Variants in TNRC18 observed in about 807,000 individuals in gnomAD.
The protein encoded by TNRC18 is trinucleotide repeat-containing gene 18 protein.
Under a neutral mutation model 226.7 loss-of-function variants are expected in TNRC18, and 69 were observed. The ratio of observed to expected loss-of-function variants is 0.30; its 90% confidence interval spans 0.25 to 0.37. TNRC18 has a LOEUF of 0.37. Among genes scored for constraint, TNRC18 ranks in the 10% least tolerant of loss-of-function variants. TNRC18 has a pLI of 1.00. For missense variants in TNRC18, 4,754 were observed against 4,256.6 expected (o/e 1.12, Z -3.25); for synonymous variants, 2,449 against 1,927.6 (o/e 1.27, Z -7.09).
intron 2 of TNRC18, among the ~76,000 whole-genome samples, chr7:5,416,471 C>T (rs1194722406): frequency 6.6e-6 from 1 of 152,046 alleles, no homozygotes; most frequent in African/African-American, 2.4e-5. Context: ...CTGTAGTCCT[C>T]GCTACTCGGG....
chr7:5,375,177 C>T (rs780554864), intron 9 of TNRC18, among the ~76,000 whole-genome samples: 3 of 152,274 alleles, frequency 2.0e-5, no homozygotes, highest in South Asian at 2.1e-4. Context: ...TGCATGACAG[C>T]ATGTGCCTGT....
At chr7:5,387,579 A>C in intron 5 of TNRC18, 93 bp downstream of exon 5, 1 of 1,500,634 alleles carries the variant, frequency 6.7e-7, no homozygotes, top group Non-Finnish European at 9.0e-7. Context: ...AAGACTTAGC[A>C]ATAGCAAAGG....
chr7:5,332,250 A>G (rs748605994), intron 19 of TNRC18, among the ~76,000 whole-genome samples: 9 of 152,162 alleles, frequency 5.9e-5, no homozygotes, highest in Non-Finnish European at 1.2e-4. Flanking sequence ...CAGCCTGGGC[A>G]ACATAGCGAG....
intron 24 of TNRC18, among the ~76,000 whole-genome samples, chr7:5,319,210 C>A (rs556711944): frequency 6.6e-6 from 1 of 152,168 alleles, no homozygotes; most frequent in Non-Finnish European, 1.5e-5. Flanking sequence ...CTAAGTCTTC[C>A]TGGCCTGAGA....
At chr7:5,372,763 C>G (rs927553492) in intron 10 of TNRC18, among the ~76,000 whole-genome samples, 3 of 152,108 alleles carry the variant, frequency 2.0e-5, no homozygotes, top group African/African-American at 7.2e-5. Context: ...GGTCTCAAGC[C>G]TACAATCCCA....
chr7:5,410,089 T>A (rs1781744628), intron 2 of TNRC18, among the ~76,000 whole-genome samples: 1 of 150,572 alleles, frequency 6.6e-6, no homozygotes, highest in African/African-American at 2.4e-5. Context: ...AGCGGGCAGA[T>A]CACTTGAGGC....
rs1375131699 is a variant in TNRC18, at chr7:5,361,594, T to C, written c.4661A>G (p.Lys1554Arg). ...KRGKSGHSSG[K>R]LSSKSLLTSD... ...CGACCCACCGAGGGGCCAGCCTTAC[T>C]TTCCGCTACTGTGGCCGCTCTTCCC... is the stretch of plus-strand genomic sequence containing the variant. The change falls in exon 14 of 30, where the codon AAG becomes AGG. Residue 1554 changes from lysine (K) to arginine (R), a missense_variant and splice_region_variant. Coordinates refer to ENST00000430969, the MANE Select transcript of TNRC18 (RefSeq NM_001080495.3). 2 of 1,519,260 alleles carry C rather than the reference T, an allele frequency of 1.3e-6. No individual in the cohort carries two copies. The highest frequency in any genetic ancestry group is 8.8e-7 in the Non-Finnish European group (1 of 1,132,924). The allele number at this position is 1,519,260 out of a possible 1,614,324, so 94.1% of individuals were successfully genotyped here. A position where few individuals can be genotyped will look rare whatever the true frequency, so the allele number is the denominator to read the frequency against.
intron 19 of TNRC18, among the ~76,000 whole-genome samples, chr7:5,331,812 A>C (rs1292685436): frequency 6.6e-6 from 1 of 152,180 alleles, no homozygotes; most frequent in Non-Finnish European, 1.5e-5. Flanking sequence ...CAGGAGGCTG[A>C]GGTGGGAGGG....
In TNRC18 at chr7:5,333,057, C is replaced by T. The variant is rs1427009315; in HGVS notation, c.5720-8G>A. On this transcript the variant is annotated splice_polypyrimidine_tract_variant and splice_region_variant and intron_variant, in intron 18 of 29. Coordinates refer to ENST00000430969, the MANE Select transcript of TNRC18 (RefSeq NM_001080495.3). ...TGTACTCGAACTCTGTGCCTGAACG[C>T]GGGAGGAGGGCGTGCTGGTCACAGC... is the stretch of plus-strand genomic sequence containing the variant. 15 of 1,567,634 alleles carry T rather than the reference C, an allele frequency of 9.6e-6. No homozygotes were observed. The East Asian group carries it at 1.4e-4, about 14-fold the overall frequency.
At chr7:5,351,094 T>C (rs1055166190) in intron 17 of TNRC18, among the ~76,000 whole-genome samples, 2 of 151,958 alleles carry the variant, frequency 1.3e-5, no homozygotes, top group Non-Finnish European at 2.9e-5. Context: ...ATTTTAAACC[T>C]GAAAAATGAA....
intron 18 of TNRC18, among the ~76,000 whole-genome samples, chr7:5,343,459 C>G (rs985603246): frequency 1.3e-5 from 2 of 152,210 alleles, no homozygotes; most frequent in Admixed American, 6.5e-5. Flanking sequence ...GTCTCATTCT[C>G]TTGCCTGGGC....
At chr7:5,383,648 G>C (rs1779552978) in intron 5 of TNRC18, among the ~76,000 whole-genome samples, 1 of 152,198 alleles carries the variant, frequency 6.6e-6, no homozygotes, top group Non-Finnish European at 1.5e-5. Flanking sequence ...CCTCAGCTGG[G>C]GGAACTGCCC....
chr7:5,400,752 G>A (rs891091082), intron 2 of TNRC18, among the ~76,000 whole-genome samples: 1 of 152,076 alleles, frequency 6.6e-6, no homozygotes, highest in South Asian at 2.1e-4. Flanking sequence ...AAAAATGCAA[G>A]CTGTAGCCTG....
At position 5,333,039 on chromosome 7, in the gene TNRC18, G is replaced by C. The variant is rs557743431; in HGVS notation, c.5730C>G (p.Phe1910Leu). Residue 1910 changes from phenylalanine to leucine, a missense_variant, in exon 19 of 30, where the codon TTC (phenylalanine) becomes TTG (leucine). By Grantham distance (22) the Phe-to-Leu change is conservative. Coordinates refer to ENST00000430969, the MANE Select transcript of TNRC18 (RefSeq NM_001080495.3). ...EERQSLLGTE[F>L]EYTDSESEVK... ...CCTCGCTCTCTGAGTCGGTGTACTC[G>C]AACTCTGTGCCTGAACGCGGGAGGA... 24 of 1,575,808 alleles carry C rather than the reference G, an allele frequency of 1.5e-5. No homozygotes were observed. Among genetic ancestry groups the C allele is most frequent in the East Asian group, 4.6e-5 (2 of 43,784 alleles).
chr7:5,389,228 G>A lies in TNRC18; in HGVS notation c.596C>T (p.Ser199Leu), dbSNP rs1355081499. ...GHSSGAPAKG[S>L]SSRDGPAKER... is the part of the protein sequence containing the mutation. ...CTTGGCTGGACCGTCCCGCGACGAC[G>A]AGCCTTTGGCCGGGGCGCCCGAGGA... The change falls in exon 5 of 30, where the codon TCG (serine) becomes TTG (leucine). Residue 199 changes from serine (S) to leucine (L), a missense_variant. Ser to Leu is a moderately radical substitution (Grantham distance 145, BLOSUM62 -2). Transcript: ENST00000430969. The A allele has an allele frequency of 3.0e-6, 4 of 1,337,132 alleles. No homozygotes were observed. Among genetic ancestry groups the A allele is most frequent in the South Asian group, 1.8e-5 (1 of 54,648 alleles). The allele number at this position is 1,337,132 out of a possible 1,614,324, so 82.8% of individuals were successfully genotyped here.
chr7:5,378,688 G>A (rs1167454135), intron 5 of TNRC18, among the ~76,000 whole-genome samples: 3 of 151,696 alleles, frequency 2.0e-5, no homozygotes, highest in Admixed American at 2.0e-4. Flanking sequence ...AGAGTGCTGG[G>A]ATTACAGGCG....
intron 2 of TNRC18, among the ~76,000 whole-genome samples, chr7:5,410,634 G>C (rs1781778299): frequency 1.3e-5 from 2 of 151,886 alleles, no homozygotes; most frequent in Non-Finnish European, 2.9e-5. Flanking sequence ...GGGAGACCGA[G>C]GTGGGTCAAT....
At chr7:5,422,126 A>G (rs988467175) in intron 1 of TNRC18, among the ~76,000 whole-genome samples, 1 of 151,872 alleles carries the variant, frequency 6.6e-6, no homozygotes, top group Non-Finnish European at 1.5e-5. Context: ...GGGCACTGTG[A>G]GTCCCAGAGC....
At chr7:5,378,608 CG>C (rs1428417584) in intron 5 of TNRC18, among the ~76,000 whole-genome samples, 1 of 151,518 alleles carries the variant, frequency 6.6e-6, no homozygotes, top group Non-Finnish European at 1.5e-5. Flanking sequence ...TTAGTAGAGA[CG>C]GGGCTTCACC....
Sources: gnomAD v4.1 joint callset for allele counts (sites outside exome capture counted in the v4.1 genomes callset) on GRCh38, gnomAD v4.1.1 for gene constraint, MANE v1.5 for transcripts, NCBI Gene and HGNC (gene_info 2026-07-23, HGNC 2026-07-21) for gene names.